The following SORL1 variants were observed in gnomAD, a reference collection of about 807,000 sequenced individuals.
SORL1 encodes sortilin related receptor 1, also known as sortilin-related receptor.
SORL1 carries 127 observed loss-of-function variants against 273.7 expected under a neutral mutation model. The ratio of observed to expected loss-of-function variants is 0.46; its 90% confidence interval spans 0.40 to 0.54. The LOEUF is 0.54. SORL1 is among the 20% of genes least tolerant of loss of function. The pLI, the probability that SORL1 is intolerant of heterozygous loss-of-function variation, is 0.00. For synonymous variants in SORL1, 1,031 were observed against 1,067.4 expected, an observed-to-expected ratio of 0.97 and a Z score of 0.66; for missense variants, 2,494 against 2,846.1, an observed-to-expected ratio of 0.88 and a Z score of 2.81.
chr11:121,512,970 C>G, intron 6 of SORL1, 33 bp from the exon 7 acceptor site: 1 of 1,419,628 alleles, frequency 7.0e-7, no homozygotes, highest in Non-Finnish European at 1.0e-6. Context: ...TAATGTGGCA[C>G]CATTAATTTT....
rs1725804850 is a variant in SORL1, at chr11:121,627,800, C to G, written c.6577+33C>G. On this transcript the variant is annotated intron_variant, in intron 47 of 47. Coordinates refer to ENST00000260197, the MANE Select transcript of SORL1 (RefSeq NM_003105.6). The surrounding 1 kb of genome is among the most constrained non-coding windows in gnomAD (Gnocchi z 4.9). ...GGGCAGGGAGAGTCGGTTCTTCCTC[C>G]CAGGGCTGACCCCCACGCAGCCAAT... is the stretch of plus-strand genomic sequence containing the variant. 2.0e-6 allele frequency: 3 copies of G among 1,505,338 alleles called. No homozygotes were observed. Among genetic ancestry groups the G allele is most frequent in the Non-Finnish European group, 2.8e-6 (3 of 1,090,476 alleles). 93.2% of individuals were successfully genotyped at this position (1,505,338 alleles called of 1,614,324 possible).
intron 32 of SORL1, among the ~76,000 whole-genome samples, chr11:121,600,954 G>C (rs958658906): frequency 6.6e-6 from 1 of 151,674 alleles, no homozygotes; most frequent in Non-Finnish European, 1.5e-5. Flanking sequence ...GTGCACGTTA[G>C]TTACATATGT....
chr11:121,534,104 C>T (rs1010500911), intron 12 of SORL1, among the ~76,000 whole-genome samples: 3 of 152,064 alleles, frequency 2.0e-5, no homozygotes, highest in Non-Finnish European at 4.4e-5. Context: ...GAAAGGTGGG[C>T]GACGAAACAA....
intron 3 of SORL1, among the ~76,000 whole-genome samples, chr11:121,484,590 TG>T (rs1468998076): frequency 6.6e-6 from 1 of 151,852 alleles, no homozygotes; most frequent in East Asian, 1.9e-4. Flanking sequence ...ACTTGGGACG[TG>T]GGGAGGGAGA....
chr11:121,618,531 C>T (rs150320806), intron 41 of SORL1, among the ~76,000 whole-genome samples: 7 of 152,198 alleles, frequency 4.6e-5, no homozygotes, highest in East Asian at 1.9e-4. Context: ...CTTCTCTGCC[C>T]GCCTCTCCTC....
intron 32 of SORL1, among the ~76,000 whole-genome samples, chr11:121,602,020 A>G (rs1863400293): frequency 6.6e-6 from 1 of 152,202 alleles, no homozygotes; most frequent in South Asian, 2.1e-4. Flanking sequence ...CATCTGTTTT[A>G]CATATCCCCA....
rs967099356 is a variant in SORL1, at chr11:121,591,101, C to T, written c.4314C>T (p.Cys1438=). The T allele has an allele frequency of 5.6e-6, 9 of 1,614,098 alleles. No individual in the cohort carries two copies. The highest frequency in any genetic ancestry group is 1.3e-5 in the African/African-American group (1 of 74,934). Residue 1438 remains cysteine (C), a synonymous_variant, in exon 31 of 48, where the codon TGC becomes TGT. Coordinates refer to ENST00000260197, the MANE Select transcript of SORL1 (RefSeq NM_003105.6). ...CCTGCGTGATGGACACCTGGGTGTG[C>T]GACGGGTACCGAGATTGTGCAGATG... ...SGTCVMDTWV[C]DGYRDCADGS... is the part of the protein sequence containing the mutation.
chr11:121,549,724 AT>A (rs56099942), intron 14 of SORL1, among the ~76,000 whole-genome samples: 13,354 of 143,782 alleles, frequency 0.093, 787 homozygotes, highest in African/African-American at 0.17. Flanking sequence ...TGGCATGATG[AT>A]TTTTTTTTTT....
Position 121,550,604 on chromosome 11 carries a change from G to A in SORL1, c.2200G>A (p.Asp734Asn), listed in dbSNP as rs148430425. 869 of 1,613,990 alleles carry A rather than the reference G, an allele frequency of 5.4e-4. 1 individual carries two copies. The highest frequency in any genetic ancestry group is 3.1e-4 in the Non-Finnish European group (361 of 1,179,998). Residue 734 changes from aspartate (D) to asparagine (N), a missense_variant, in exon 16 of 48, where the codon GAC becomes AAC. Physicochemically the swap from Asp to Asn is conservative, Grantham distance 23. Around this residue, in one of 3 missense-constraint regions of SORL1, gnomAD observed 710 missense variants for 882.5 expected, o/e 0.80. Coordinates refer to ENST00000260197, the MANE Select transcript of SORL1 (RefSeq NM_003105.6). This position sits in a 1 kb window ranked among gnomAD's most constrained non-coding sequence, Gnocchi z 5.3. ...RTRGYRKISG[D>N]TCSGGDVEAR... ...TGACAGCTACCGGAAGATTTCTGGG[G>A]ACACTTGTAGCGGAGGAGATGTTGA...
intron 2 of SORL1, among the ~76,000 whole-genome samples, chr11:121,473,508 T>C (rs1311311357): frequency 6.6e-6 from 1 of 152,260 alleles, no homozygotes; most frequent in Non-Finnish European, 1.5e-5. Flanking sequence ...TCTCTCATGA[T>C]GTATTTTACA....
chr11:121,482,491 G>A (rs1325787965), intron 3 of SORL1, among the ~76,000 whole-genome samples: 3 of 152,222 alleles, frequency 2.0e-5, no homozygotes, highest in African/African-American at 7.2e-5. Context: ...ATTCTCTGTA[G>A]ATAGTTTCTA....
chr11:121,622,014 G>A (rs1555092010), intron 44 of SORL1, 148 bp from the exon 45 acceptor site: 1 of 584,684 alleles, frequency 1.7e-6, no homozygotes, highest in Non-Finnish European at 3.1e-6. Context: ...CATGTGCTAG[G>A]TTCTGTACTC....
chr11:121,618,702 A>T, intron 41 of SORL1, 72 bp from the exon 42 acceptor site: 1 of 1,590,056 alleles, frequency 6.3e-7, no homozygotes, highest in Non-Finnish European at 8.6e-7. Context: ...AGGGTCTTAA[A>T]TTGGGGATTT....
At chr11:121,568,400 A>G in intron 22 of SORL1, among the ~76,000 whole-genome samples, 1 of 152,238 alleles carries the variant, frequency 6.6e-6, no homozygotes, top group Non-Finnish European at 1.5e-5. Context: ...AAATTCCAAG[A>G]GAAGGGGAAG....
intron 6 of SORL1, among the ~76,000 whole-genome samples, chr11:121,504,103 C>T (rs4936635): frequency 0.068 from 10,271 of 152,110 alleles, 414 homozygotes; most frequent in East Asian, 0.14. Flanking sequence ...GTACAAGTCC[C>T]GGACTTCTTT....
intron 31 of SORL1, among the ~76,000 whole-genome samples, chr11:121,593,108 A>T (rs983742846): frequency 1.9e-4 from 29 of 152,146 alleles, no homozygotes; most frequent in Non-Finnish European, 3.7e-4. Flanking sequence ...ATGAATGCTC[A>T]TGTCCTCCCC....
At chr11:121,591,230 C>A in intron 31 of SORL1, 74 bp downstream of exon 31, 1 of 1,529,588 alleles carries the variant, frequency 6.5e-7, no homozygotes, top group Non-Finnish European at 9.0e-7. Flanking sequence ...GTGCTCTGGG[C>A]ACAATCCAAC....
intron 37 of SORL1, 132 bp downstream of exon 37, chr11:121,607,422 C>T (rs1863495419): frequency 1.9e-6 from 1 of 513,950 alleles, no homozygotes; most frequent in East Asian, 3.0e-5. Flanking sequence ...CAACTTCTTG[C>T]CCTGGGACGG....
At chr11:121,543,935 A>G (rs1285275455) in intron 13 of SORL1, among the ~76,000 whole-genome samples, 1 of 152,212 alleles carries the variant, frequency 6.6e-6, no homozygotes, top group Non-Finnish European at 1.5e-5. Context: ...TTTGTATCTT[A>G]GTTTCCTCAT....
Sources: gnomAD v4.1 joint callset for allele counts (sites outside exome capture counted in the v4.1 genomes callset) on GRCh38, gnomAD v4.1.1 for gene constraint, gnomAD v4.1.1 regional missense constraint, Gnocchi (gnomAD v3.1) non-coding constraint, MANE v1.5 for transcripts, NCBI Gene and HGNC (gene_info 2026-07-23, HGNC 2026-07-21) for gene names.